Variants in PTPRN2 observed in about 807,000 individuals in gnomAD.
PTPRN2 encodes receptor-type tyrosine-protein phosphatase N2.
PTPRN2 carries 74 observed loss-of-function variants against 118.8 expected under a neutral mutation model. The ratio of observed to expected loss-of-function variants is 0.62; its 90% CI spans 0.52 to 0.76. The LOEUF (loss-of-function observed/expected upper bound fraction) is 0.76. Among genes scored for constraint, PTPRN2 ranks in the 30% least tolerant of loss-of-function variants. PTPRN2 has a pLI of 0.00. For missense variants in PTPRN2, 1,481 were observed against 1,394.4 expected (o/e 1.06, Z -0.99); for synonymous variants, 641 against 608.0 (o/e 1.05, Z -0.80).
Position 158,138,440 on chromosome 7 carries a change from A to C in PTPRN2, c.986T>G (p.Leu329Arg), listed in dbSNP as rs777349265. The C allele has an allele frequency of 7.4e-6, 12 of 1,613,404 alleles. No homozygotes were observed. In the South Asian group the frequency reaches 1.3e-4, roughly 18 times the overall value. Residue 329 changes from leucine to arginine, a missense_variant, in exon 7 of 23, where the codon CTG becomes CGG. Leu to Arg is a moderately radical substitution (Grantham distance 102). This residue lies in a region of PTPRN2 where 1,115 missense variants were observed against 994.2 expected (regional missense o/e 1.12). Coordinates refer to ENST00000389418, the MANE Select transcript of PTPRN2 (RefSeq NM_002847.5). ...AGCCATCAGCTCAGCCATGCCGTCC[A>C]GCTCCAGGCCACTCAGGCCCCTCAC... The part of the protein sequence containing the change: ...AEVRGLSGLE[L>R]DGMAELMAGL...
intron 12 of PTPRN2, among the ~76,000 whole-genome samples, chr7:157,795,386 T>C (rs1161895994): frequency 6.6e-6 from 1 of 152,206 alleles, no homozygotes; most frequent in Non-Finnish European, 1.5e-5. Flanking sequence ...CGACTCCACA[T>C]GGGGCCTCAG....
intron 3 of PTPRN2, among the ~76,000 whole-genome samples, chr7:158,309,059 G>T (rs1486288448): frequency 1.3e-5 from 2 of 152,152 alleles, no homozygotes; most frequent in Admixed American, 1.3e-4. Context: ...GTTTAAGGAA[G>T]AATTAACATC....
chr7:158,082,173 G>A (rs1177925212), intron 10 of PTPRN2, among the ~76,000 whole-genome samples: 1 of 148,544 alleles, frequency 6.7e-6, no homozygotes, highest in African/African-American at 2.4e-5. Context: ...ATTTAGGTGG[G>A]AGAGGGCAGC....
intron 9 of PTPRN2, 132 bp from the exon 10 acceptor site, chr7:158,111,047 GC>G: frequency 1.4e-6 from 1 of 720,382 alleles, no homozygotes; most frequent in Non-Finnish European, 2.3e-6. Flanking sequence ...GGGGTCAGCT[GC>G]CCCCTCAGGC....
In PTPRN2 at chr7:157,745,403, G is replaced by T. The variant is rs573169709; in HGVS notation, c.1789-62466C>A. ...GGGGTGGTCTGCGGGAGGCAGGCAT[G>T]GGGGAGAGGACAGGCTGCGGGAGGC... On this transcript the variant is annotated intron_variant, in intron 12 of 22. Transcript: ENST00000389418. Among the ~76,000 whole-genome samples the T allele has an allele frequency of 1.4e-4, 21 of 152,200 alleles. No individual in the cohort carries two copies. The East Asian group carries it at 3.9e-3, about 28-fold the overall frequency.
At chr7:157,556,971 AC>A (rs776939208) in intron 21 of PTPRN2, among the ~76,000 whole-genome samples, 143 of 151,246 alleles carry the variant, frequency 9.5e-4, no homozygotes, top group Non-Finnish European at 1.9e-3. Flanking sequence ...ATATGCACAC[AC>A]ATGCACACAC....
At chr7:157,877,924 G>T (rs1795877762) in intron 12 of PTPRN2, among the ~76,000 whole-genome samples, 1 of 152,222 alleles carries the variant, frequency 6.6e-6, no homozygotes, top group Non-Finnish European at 1.5e-5. Context: ...ATTTTAAAAT[G>T]TGTGTGAATA....
At chr7:157,866,328 A>C (rs1182190243) in intron 12 of PTPRN2, among the ~76,000 whole-genome samples, 1 of 152,126 alleles carries the variant, frequency 6.6e-6, no homozygotes, top group Non-Finnish European at 1.5e-5. Context: ...ACATACACAC[A>C]CATGCATATG....
intron 2 of PTPRN2, among the ~76,000 whole-genome samples, chr7:158,417,144 G>A (rs966766020): frequency 1.3e-5 from 2 of 151,982 alleles, no homozygotes; most frequent in Non-Finnish European, 2.9e-5. Context: ...GTGTCCTGGT[G>A]TAAGTCACAG....
chr7:158,157,575 C>T lies in PTPRN2; in HGVS notation c.910+9356G>A, dbSNP rs371575481. On this transcript the variant is annotated intron_variant, in intron 6 of 22. Transcript: ENST00000389418. ...GGAGAAGACATGAGCTGGGTGGAGC[C>T]GAGCAGTGCAGGTCCGGGACTGCCA... is the stretch of plus-strand genomic sequence containing the variant. Among the ~76,000 whole-genome samples, 436 of 152,346 alleles carry T rather than the reference C, an allele frequency of 2.9e-3. 4 individuals are homozygous for T. Among genetic ancestry groups the T allele is most frequent in the African/African-American group, 9.6e-3 (399 of 41,572 alleles).
intron 11 of PTPRN2, among the ~76,000 whole-genome samples, chr7:158,060,885 A>C (rs1563375264): frequency 6.6e-6 from 1 of 152,228 alleles, no homozygotes; most frequent in Admixed American, 6.5e-5. Flanking sequence ...GTTTGAATCG[A>C]AAGTTTCCTT....
chr7:157,907,012 C>A (rs1157593660), intron 11 of PTPRN2, among the ~76,000 whole-genome samples: 1 of 152,236 alleles, frequency 6.6e-6, no homozygotes, highest in Non-Finnish European at 1.5e-5. Flanking sequence ...GAGATCCTGA[C>A]ACCCTGACAC....
intron 10 of PTPRN2, among the ~76,000 whole-genome samples, chr7:158,089,763 G>A (rs1585402747): frequency 8.0e-6 from 1 of 125,720 alleles, no homozygotes; most frequent in Non-Finnish European, 1.7e-5. Flanking sequence ...TTCTTCCCCT[G>A]ATGAAAAGGG....
At chr7:157,565,741 C>T (rs938236701) in intron 21 of PTPRN2, among the ~76,000 whole-genome samples, 2 of 152,084 alleles carry the variant, frequency 1.3e-5, no homozygotes, top group Non-Finnish European at 2.9e-5. Flanking sequence ...AAGTAAAAGG[C>T]ACAACCTTGG....
rs1379322767 is a variant in PTPRN2 at position 157,986,876 on chromosome 7, C to A, written c.1724-88139G>T. On this transcript the variant is annotated intron_variant, in intron 11 of 22. Coordinates refer to ENST00000389418, the MANE Select transcript of PTPRN2 (RefSeq NM_002847.5). This position sits in a 1 kb window ranked among gnomAD's most constrained non-coding sequence, Gnocchi z 4.5. ...ACCCACTCCACCCCTCCTCCAGGAC[C>A]CTCCAGAGTGAATCTGGAGCGAGGG... 6.6e-6 allele frequency among the ~76,000 whole-genome samples: 1 copy of A among 152,084 alleles called. No homozygotes were observed. Among genetic ancestry groups the A allele is most frequent in the Non-Finnish European group, 1.5e-5 (1 of 68,028 alleles).
At chr7:158,316,747 CAGG>C (rs1802358265) in intron 3 of PTPRN2, 69 bp downstream of exon 3, 6 of 1,159,882 alleles carry the variant, frequency 5.2e-6, no homozygotes, top group East Asian at 2.5e-5. Flanking sequence ...CCTCACCGCC[CAGG>C]AGGAGAAGCC....
At chr7:158,512,264 C>T (rs868069294) in intron 1 of PTPRN2, among the ~76,000 whole-genome samples, 2 of 152,136 alleles carry the variant, frequency 1.3e-5, no homozygotes, top group Non-Finnish European at 2.9e-5. Flanking sequence ...ACTTGTTTCC[C>T]AAGAGGTACC....
At chr7:158,558,757 TAAA>T (rs769102456) in intron 1 of PTPRN2, among the ~76,000 whole-genome samples, 6 of 59,794 alleles carry the variant, frequency 1.0e-4, no homozygotes, top group Admixed American at 4.0e-4. Context: ...AGTGCTAGAC[TAAA>T]AAAAAAAAAA....
intron 4 of PTPRN2, among the ~76,000 whole-genome samples, chr7:158,204,918 G>A (rs1020915435): frequency 1.3e-4 from 20 of 152,162 alleles, no homozygotes; most frequent in African/African-American, 4.6e-4. Context: ...TGAAGATGCA[G>A]GATTTTTCTA....
Sources: gnomAD v4.1 joint callset for allele counts (sites outside exome capture counted in the v4.1 genomes callset) on GRCh38, gnomAD v4.1.1 for gene constraint, gnomAD v4.1.1 regional missense constraint, Gnocchi (gnomAD v3.1) non-coding constraint, MANE v1.5 for transcripts, NCBI Gene and HGNC (gene_info 2026-07-23, HGNC 2026-07-21) for gene names.